Variants in CCSER1 observed in about 807,000 individuals in gnomAD.
CCSER1 encodes coiled-coil serine rich protein 1, also known as serine-rich coiled-coil domain-containing protein 1.
CCSER1 carries 41 observed loss-of-function variants against 82.0 expected under a neutral mutation model. The ratio of observed to expected loss-of-function variants is 0.50; its 90% CI spans 0.39 to 0.65. CCSER1 has a LOEUF of 0.65. CCSER1 is among the 30% of genes least tolerant of loss of function. CCSER1 has a pLI of 0.00. For missense variants in CCSER1, 1,119 were observed against 1,064.2 expected, an observed-to-expected ratio of 1.05 and a Z score of -0.72; for synonymous variants, 414 against 383.9, an observed-to-expected ratio of 1.08 and a Z score of -0.92.
intron 10 of CCSER1, among the ~76,000 whole-genome samples, chr4:91,373,143 T>A (rs1411559529): frequency 7.2e-6 from 1 of 139,136 alleles, no homozygotes; most frequent in African/African-American, 2.9e-5. Context: ...TTAAACATAC[T>A]TTTTTTTTTT....
At chr4:90,139,164 A>G (rs1413069098) in intron 1 of CCSER1, among the ~76,000 whole-genome samples, 4 of 152,146 alleles carry the variant, frequency 2.6e-5, no homozygotes, top group African/African-American at 7.2e-5. Context: ...TAAGTTTCCA[A>G]TGTGGCAAAA....
At chr4:91,353,482 T>C (rs1466647184) in intron 10 of CCSER1, among the ~76,000 whole-genome samples, 1 of 152,228 alleles carries the variant, frequency 6.6e-6, no homozygotes, top group African/African-American at 2.4e-5. Flanking sequence ...GGCCTGGTTT[T>C]GGGCGTGGTG....
intron 10 of CCSER1, among the ~76,000 whole-genome samples, chr4:91,093,757 G>T (rs898467216): frequency 1.3e-5 from 2 of 152,162 alleles, no homozygotes; most frequent in Admixed American, 1.3e-4. Flanking sequence ...CTAAGGCTGG[G>T]GCTGACATAA....
chr4:90,261,821 CTGAT>C (rs1724382408), intron 1 of CCSER1, among the ~76,000 whole-genome samples: 1 of 152,004 alleles, frequency 6.6e-6, no homozygotes, highest in Non-Finnish European at 1.5e-5. Context: ...TCATCTTTGT[CTGAT>C]TGGTTAATTT....
At chr4:91,503,669 C>T (rs372122066) in intron 10 of CCSER1, among the ~76,000 whole-genome samples, 21 of 152,048 alleles carry the variant, frequency 1.4e-4, no homozygotes, top group African/African-American at 4.1e-4. Context: ...TCTGGGGAAT[C>T]AATCAAACAT....
rs1725881843 is a variant in CCSER1 at position 90,269,594 on chromosome 4, TAAAC to T, written c.-41-38647_-41-38644del. Among the ~76,000 whole-genome samples, 6 of 151,532 alleles carry T rather than the reference TAAAC, an allele frequency of 4.0e-5. 1 individual carries two copies. Among genetic ancestry groups the T allele is most frequent in the African/African-American group, 1.5e-4 (6 of 41,362 alleles). ...ATCAAAATAGAAGAAAAACTTCAAA[TAAAC>T]AACACAACAGTGCATCTTAAAGAAC... On this transcript the variant is annotated intron_variant, in intron 1 of 10. Transcript: ENST00000509176.
At position 91,306,059 on chromosome 4, in the gene CCSER1, TTGTGTG is replaced by T. The variant is rs70965483; in HGVS notation, c.2217+220097_2217+220102del. Among the ~76,000 whole-genome samples, 375 of 139,636 alleles carry T rather than the reference TTGTGTG, an allele frequency of 2.7e-3. 2 individuals are homozygous for T. Among genetic ancestry groups the T allele is most frequent in the African/African-American group, 8.8e-3 (335 of 37,994 alleles). The allele number at this position is 139,636 out of a possible 152,430, so 91.6% of individuals were successfully genotyped here. A position where few individuals can be genotyped will look rare whatever the true frequency, so the allele number is the denominator to read the frequency against. On this transcript the variant is annotated intron_variant, in intron 10 of 10. Coordinates refer to ENST00000509176, the MANE Select transcript of CCSER1 (RefSeq NM_001145065.2). ...ACACAACCAAACCATATCAGTGTGT[TTGTGTG>T]TGTGTGTGTGTGTGTGTGTGTGTGT...
chr4:91,507,680 AT>A (rs927421609), intron 10 of CCSER1, among the ~76,000 whole-genome samples: 92 of 150,990 alleles, frequency 6.1e-4, no homozygotes, highest in African/African-American at 2.1e-3. Context: ...ATATAACTTA[AT>A]TTTTTTTCTC....
At chr4:90,818,474 C>T (rs561747149) in intron 8 of CCSER1, among the ~76,000 whole-genome samples, 4 of 152,096 alleles carry the variant, frequency 2.6e-5, no homozygotes, top group South Asian at 2.1e-4. Flanking sequence ...GACGAGGTTT[C>T]GCCATGTTGG....
intron 10 of CCSER1, among the ~76,000 whole-genome samples, chr4:91,475,235 G>A (rs1410283103): frequency 6.6e-6 from 1 of 151,646 alleles, no homozygotes; most frequent in African/African-American, 2.4e-5. Context: ...TCCTGCATAT[G>A]GCTAGGCCTT....
At chr4:90,541,244 A>G (rs1776061074) in intron 5 of CCSER1, among the ~76,000 whole-genome samples, 2 of 152,108 alleles carry the variant, frequency 1.3e-5, no homozygotes, top group South Asian at 4.1e-4. Context: ...AAATAAAGAC[A>G]TTGAAGAAAG....
chr4:90,727,930 A>T (rs1743960424), intron 7 of CCSER1, among the ~76,000 whole-genome samples: 1 of 152,192 alleles, frequency 6.6e-6, no homozygotes, highest in South Asian at 2.1e-4. Context: ...TCCTGTGATA[A>T]ATTCAGCAGG....
intron 5 of CCSER1, among the ~76,000 whole-genome samples, chr4:90,511,896 T>A (rs1771585835): frequency 6.6e-6 from 1 of 152,092 alleles, no homozygotes; most frequent in Admixed American, 6.5e-5. Context: ...TATGATAACA[T>A]CCTTGTAGGT....
intron 8 of CCSER1, among the ~76,000 whole-genome samples, chr4:90,854,108 C>T (rs1054599022): frequency 6.6e-6 from 1 of 152,100 alleles, no homozygotes; most frequent in South Asian, 2.1e-4. Flanking sequence ...AACCATTCTT[C>T]AAGAAGCTAG....
chr4:90,481,403 C>G (rs1289058663), intron 5 of CCSER1, among the ~76,000 whole-genome samples: 2 of 152,160 alleles, frequency 1.3e-5, no homozygotes, highest in South Asian at 2.1e-4. Flanking sequence ...ACTTCCAACA[C>G]TATGCTGAAT....
intron 10 of CCSER1, among the ~76,000 whole-genome samples, chr4:91,117,924 T>A (rs1726765662): frequency 6.6e-6 from 1 of 152,234 alleles, no homozygotes; most frequent in Non-Finnish European, 1.5e-5. Flanking sequence ...CTGTCTTCTT[T>A]TCCATTACCC....
chr4:91,146,895 T>C (rs1016392429), intron 10 of CCSER1, among the ~76,000 whole-genome samples: 25 of 152,216 alleles, frequency 1.6e-4, no homozygotes, highest in Admixed American at 4.6e-4. Context: ...TATGCAGCAA[T>C]GCTCTGGGAA....
intron 7 of CCSER1, among the ~76,000 whole-genome samples, chr4:90,761,574 G>A (rs904520296): frequency 1.1e-4 from 16 of 152,128 alleles, no homozygotes; most frequent in African/African-American, 3.6e-4. Context: ...TGCCAGTGTC[G>A]GCAATATATT....
At chr4:90,502,266 A>G (rs1392638353) in intron 5 of CCSER1, among the ~76,000 whole-genome samples, 3 of 152,114 alleles carry the variant, frequency 2.0e-5, no homozygotes, top group Non-Finnish European at 4.4e-5. Flanking sequence ...AGGGGAAGCA[A>G]GCAGGTCTTC....
Sources: gnomAD v4.1 joint callset for allele counts (sites outside exome capture counted in the v4.1 genomes callset) on GRCh38, gnomAD v4.1.1 for gene constraint, MANE v1.5 for transcripts, NCBI Gene and HGNC (gene_info 2026-07-23, HGNC 2026-07-21) for gene names.